The following GRK5 variants were observed in gnomAD, a reference collection of about 807,000 sequenced individuals.
GRK5 encodes g protein-coupled receptor kinase GRK5.
In GRK5, 40 loss-of-function variants were observed where a neutral mutation model predicts 78.4. That is an observed-to-expected ratio of 0.51 (90% CI 0.40 to 0.66). GRK5 has a LOEUF of 0.66. Ranked by LOEUF, GRK5 falls within the 30% of genes least tolerant of loss-of-function variation. The pLI, the probability that GRK5 is intolerant of heterozygous loss-of-function variation, is 0.00. For synonymous variants in GRK5, 289 were observed against 296.8 expected, an observed-to-expected ratio of 0.97 and a Z score of 0.27; for missense variants, 598 against 759.9, an observed-to-expected ratio of 0.79 and a Z score of 2.50.
chr10:119,452,777 C>T lies in GRK5; in HGVS notation c.1511C>T (p.Thr504Met), dbSNP rs1416403608. 8.8e-6 allele frequency: 12 copies of T among 1,367,970 alleles called. No homozygotes were observed. Among genetic ancestry groups the T allele is most frequent in the East Asian group, 4.5e-5 (1 of 22,134 alleles). The allele number at this position is 1,367,970 out of a possible 1,614,324, so 84.7% of individuals were successfully genotyped here. ...TDDDFYSKFS[T>M]GSVSIPWQNE... ...GACGACTTCTACTCCAAGTTCTCCACGGGCTCTGTGTCCATCCCATGGCAA... is the reference window on the plus strand; with the variant it reads ...GACGACTTCTACTCCAAGTTCTCCATGGGCTCTGTGTCCATCCCATGGCAA... The change falls in exon 14 of 16, where the codon ACG becomes ATG. Residue 504 changes from threonine to methionine, a missense_variant. By Grantham distance (81) the Thr-to-Met change is moderately conservative. Coordinates refer to ENST00000392870, the MANE Select transcript of GRK5 (RefSeq NM_005308.3). The surrounding 1 kb of genome is among the most constrained non-coding windows in gnomAD (Gnocchi z 4.4).
At chr10:119,320,842 G>T (rs771060552) in intron 1 of GRK5, among the ~76,000 whole-genome samples, 14 of 152,234 alleles carry the variant, frequency 9.2e-5, no homozygotes, top group Non-Finnish European at 1.9e-4. Flanking sequence ...GGGGAGGTGG[G>T]AGGTGATGGC....
intron 2 of GRK5, among the ~76,000 whole-genome samples, chr10:119,362,696 CTT>C (rs750679372): frequency 1.3e-5 from 2 of 152,222 alleles, no homozygotes; most frequent in Non-Finnish European, 2.9e-5. Context: ...AAACTCCTCT[CTT>C]TGCTGAGTGC....
chr10:119,207,957 A>C lies in GRK5; in HGVS notation c.40A>C (p.Lys14Gln). Residue 14 changes from lysine to glutamine, a missense_variant, in exon 1 of 16, where the codon AAA (lysine) becomes CAA (glutamine). By Grantham distance (53) the Lys-to-Gln change is moderately conservative. Coordinates refer to ENST00000392870, the MANE Select transcript of GRK5 (RefSeq NM_005308.3). ...ENIVANTVLL[K>Q]AREGGGGKRK... ...CATCGTGGCCAACACGGTCTTGCTG[A>C]AAGCCAGGGAAGGTAAGAGGCAGGG... 1 of 1,604,702 alleles carries C rather than the reference A, an allele frequency of 6.2e-7. No individual in the cohort carries two copies. Among genetic ancestry groups the C allele is most frequent in the Non-Finnish European group, 8.5e-7 (1 of 1,176,414 alleles).
Position 119,457,051 on chromosome 10 carries a change from G to A in GRK5, c.*1984G>A, listed in dbSNP as rs183479046. ...AGGCTCCTTCCATTACCTTTCTTGG[G>A]CTGAATGCAAAACAAATACAGCCAC... On this transcript the variant is annotated 3_prime_UTR_variant, in exon 16 of 16. Transcript: ENST00000392870. 7.9e-5 allele frequency: 12 copies of A among 152,132 alleles called. No homozygotes were observed. The highest frequency in any genetic ancestry group is 2.7e-4 in the African/African-American group (11 of 41,396). 9.4% of individuals were successfully genotyped at this position (152,132 alleles called of 1,614,324 possible). A position where few individuals can be genotyped will look rare whatever the true frequency, so the allele number is the denominator to read the frequency against.
rs977371524 is a variant in GRK5, at chr10:119,459,073, A to C, written c.*4006A>C. 6.6e-6 allele frequency: 1 copy of C among 152,202 alleles called. No homozygotes were observed. The highest frequency in any genetic ancestry group is 2.4e-5 in the African/African-American group (1 of 41,440). 9.4% of individuals were successfully genotyped at this position (152,202 alleles called of 1,614,324 possible). A position where few individuals can be genotyped will look rare whatever the true frequency, so the allele number is the denominator to read the frequency against. ...TCATAACCCAACACTCTGAGATAGG[A>C]TCTTCCAACTTTTTAGCCCCGGCTG... On this transcript the variant is annotated 3_prime_UTR_variant, in exon 16 of 16. Transcript: ENST00000392870.
At chr10:119,362,824 G>T (rs1330535827) in intron 2 of GRK5, among the ~76,000 whole-genome samples, 1 of 152,202 alleles carries the variant, frequency 6.6e-6, no homozygotes, top group African/African-American at 2.4e-5. Context: ...CCAAGCCACG[G>T]CAAAGGAGCA....
chr10:119,306,567 G>A (rs1195185669), intron 1 of GRK5, among the ~76,000 whole-genome samples: 2 of 152,158 alleles, frequency 1.3e-5, no homozygotes, highest in African/African-American at 2.4e-5. Context: ...AAGGAAGCCG[G>A]GGTCCTGGCT....
chr10:119,387,896 T>A (rs2133839155), intron 3 of GRK5, among the ~76,000 whole-genome samples: 1 of 152,284 alleles, frequency 6.6e-6, no homozygotes, highest in Non-Finnish European at 1.5e-5. Context: ...GAGAACTAAG[T>A]TCCTGCCCTT....
Position 119,452,592 on chromosome 10 carries a change from C to A in GRK5, c.1405-79C>A. On this transcript the variant is annotated intron_variant, in intron 13 of 15. Transcript: ENST00000392870. The surrounding 1 kb of genome is among the most constrained non-coding windows in gnomAD (Gnocchi z 4.4). Reference sequence around the variant, plus strand: ...TCCTGGGAAGACTCCCTTCTGCTCCCCAAAACCCCAAGGCCTGGCTCGGGG... The same window carrying A: ...TCCTGGGAAGACTCCCTTCTGCTCCACAAAACCCCAAGGCCTGGCTCGGGG... The A allele has an allele frequency of 6.4e-7, 1 of 1,570,424 alleles. No individual in the cohort carries two copies. The highest frequency in any genetic ancestry group is 2.2e-5 in the East Asian group (1 of 44,464).
intron 4 of GRK5, among the ~76,000 whole-genome samples, chr10:119,409,810 T>C (rs946096296): frequency 5.9e-5 from 9 of 152,194 alleles, no homozygotes; most frequent in Non-Finnish European, 8.8e-5. Context: ...GTGGGTGTTC[T>C]GGAAGAAGGA....
intron 1 of GRK5, among the ~76,000 whole-genome samples, chr10:119,311,625 A>G (rs1589736744): frequency 6.6e-6 from 1 of 152,180 alleles, no homozygotes; most frequent in Non-Finnish European, 1.5e-5. Flanking sequence ...ATCTCTACTA[A>G]AAATACAAAA....
chr10:119,437,540 C>T lies in GRK5; in HGVS notation c.929+699C>T, dbSNP rs115526712. Among the ~76,000 whole-genome samples, 792 of 152,264 alleles carry T rather than the reference C, an allele frequency of 5.2e-3. 7 individuals are homozygous for T. Among genetic ancestry groups the T allele is most frequent in the African/African-American group, 0.018 (763 of 41,538 alleles). On this transcript the variant is annotated intron_variant, in intron 9 of 15. Coordinates refer to ENST00000392870, the MANE Select transcript of GRK5 (RefSeq NM_005308.3). ...ATATTGAAATTGAACAGTTACATTA[C>T]ACTCCTCAGGGGATCCAGTGGAATC... is the stretch of plus-strand genomic sequence containing the variant.
rs1462099139 is a variant in GRK5 at position 119,459,705 on chromosome 10, T to C, written c.*4638T>C. 3 of 152,178 alleles carry C rather than the reference T, an allele frequency of 2.0e-5. No individual in the cohort carries two copies. Among genetic ancestry groups the C allele is most frequent in the African/African-American group, 7.2e-5 (3 of 41,442 alleles). 9.4% of individuals were successfully genotyped at this position (152,178 alleles called of 1,614,324 possible). A position where few individuals can be genotyped will look rare whatever the true frequency, so the allele number is the denominator to read the frequency against. ...CCGCTGGATCTAGATGGAGCCACTGTTGTTGTTTTTAAAAGAGAAATAAAT... is the reference window on the plus strand; with the variant it reads ...CCGCTGGATCTAGATGGAGCCACTGCTGTTGTTTTTAAAAGAGAAATAAAT... On this transcript the variant is annotated 3_prime_UTR_variant, in exon 16 of 16. Coordinates refer to ENST00000392870, the MANE Select transcript of GRK5 (RefSeq NM_005308.3).
chr10:119,374,582 C>A (rs1046482012), intron 2 of GRK5, among the ~76,000 whole-genome samples: 1 of 152,176 alleles, frequency 6.6e-6, no homozygotes, highest in Non-Finnish European at 1.5e-5. Context: ...TGTGCCCAGG[C>A]CCCCAAGACG....
chr10:119,426,870 A>G (rs963712424), intron 6 of GRK5, among the ~76,000 whole-genome samples: 2 of 152,240 alleles, frequency 1.3e-5, no homozygotes, highest in African/African-American at 4.8e-5. Flanking sequence ...TATCATTGCC[A>G]TCAACAGCAT....
chr10:119,344,650 G>A (rs1187777830), intron 2 of GRK5, among the ~76,000 whole-genome samples: 1 of 152,186 alleles, frequency 6.6e-6, no homozygotes, highest in Non-Finnish European at 1.5e-5. Context: ...GGTGGCAGAT[G>A]GGCATGAATG....
intron 4 of GRK5, among the ~76,000 whole-genome samples, chr10:119,411,377 G>C (rs757827273): frequency 4.6e-5 from 7 of 152,158 alleles, no homozygotes; most frequent in Non-Finnish European, 1.0e-4. Flanking sequence ...AGAGCCCAGA[G>C]ACCCCTTAGA....
At chr10:119,227,739 G>C (rs1313433315) in intron 1 of GRK5, among the ~76,000 whole-genome samples, 1 of 152,194 alleles carries the variant, frequency 6.6e-6, no homozygotes, top group African/African-American at 2.4e-5. Flanking sequence ...GATCTCACTA[G>C]AAATCTAAGA....
intron 1 of GRK5, among the ~76,000 whole-genome samples, chr10:119,259,040 T>C (rs868655922): frequency 6.6e-6 from 1 of 150,818 alleles, no homozygotes; most frequent in Non-Finnish European, 1.5e-5. Flanking sequence ...CCATCCTCTT[T>C]CCATGACACT....
Sources: allele counts gnomAD v4.1 joint callset (sites outside exome capture counted in the v4.1 genomes callset), GRCh38; gene constraint gnomAD v4.1.1; non-coding constraint Gnocchi (gnomAD v3.1); transcripts MANE v1.5; gene names NCBI Gene and HGNC (gene_info 2026-07-23, HGNC 2026-07-21).